Variants in KIF26B observed in about 807,000 individuals in gnomAD.
The protein encoded by KIF26B is kinesin family member 26B.
Under a neutral mutation model 151.2 loss-of-function variants are expected in KIF26B, and 63 were observed. The observed-to-expected ratio is 0.42, with a 90% confidence interval of 0.34 to 0.51. KIF26B has a LOEUF of 0.51. Among genes scored for constraint, KIF26B ranks in the 20% least tolerant of loss-of-function variants. KIF26B has a pLI of 0.07. For synonymous variants in KIF26B, 1,357 were observed against 1,262.1 expected (o/e 1.08, Z -1.59); for missense variants, 2,813 against 2,913.6 (o/e 0.97, Z 0.79).
chr1:245,324,674 G>A (rs907875837), intron 2 of KIF26B, among the ~76,000 whole-genome samples: 3 of 152,114 alleles, frequency 2.0e-5, no homozygotes. Context: ...CACTGCCTCT[G>A]GAGCATCCAG....
chr1:245,436,330 G>A (rs1008490034), intron 4 of KIF26B, among the ~76,000 whole-genome samples: 6 of 152,192 alleles, frequency 3.9e-5, no homozygotes, highest in African/African-American at 1.4e-4. Context: ...TTGATGCTGG[G>A]TGATGAACCA....
intron 4 of KIF26B, among the ~76,000 whole-genome samples, chr1:245,439,747 T>C (rs1366875649): frequency 2.6e-5 from 4 of 152,138 alleles, no homozygotes; most frequent in Non-Finnish European, 5.9e-5. Flanking sequence ...GGAGAAACTG[T>C]TTATAATTGA....
chr1:245,182,849 A>G (rs577829715), intron 2 of KIF26B, among the ~76,000 whole-genome samples: 10 of 152,190 alleles, frequency 6.6e-5, no homozygotes, highest in African/African-American at 2.4e-4. Context: ...GTTAGCCAGG[A>G]TGGTCTTGAA....
At chr1:245,550,351 T>G (rs1661849864) in intron 5 of KIF26B, among the ~76,000 whole-genome samples, 1 of 152,238 alleles carries the variant, frequency 6.6e-6, no homozygotes, top group Non-Finnish European at 1.5e-5. Flanking sequence ...TTCTTCAGTT[T>G]CCGCTGAGTT....
chr1:245,591,866 T>C (rs2043292009), intron 5 of KIF26B, among the ~76,000 whole-genome samples: 1 of 152,140 alleles, frequency 6.6e-6, no homozygotes, highest in South Asian at 2.1e-4. Flanking sequence ...GTCCCACGCC[T>C]GCTAATTGGT....
rs746313774 is a variant in KIF26B at position 245,218,024 on chromosome 1, A to T, written c.465+61341A>T. ...GTCCTGCATTCTTTCCAAAGCCCCC[A>T]TGCGGTGACTCAGTATTTGGCCATT... On this transcript the variant is annotated intron_variant, in intron 2 of 14. Coordinates refer to ENST00000407071, the MANE Select transcript of KIF26B (RefSeq NM_018012.4). The surrounding 1 kb of genome is among the most constrained non-coding windows in gnomAD (Gnocchi z 4.1). Among the ~76,000 whole-genome samples the T allele has an allele frequency of 6.6e-6, 1 of 152,116 alleles. No individual in the cohort carries two copies. Among genetic ancestry groups the T allele is most frequent in the African/African-American group, 2.4e-5 (1 of 41,426 alleles).
intron 4 of KIF26B, among the ~76,000 whole-genome samples, chr1:245,471,527 T>TA (rs71299013): frequency 0.25 from 37,892 of 152,084 alleles, 5,434 homozygotes; most frequent in Admixed American, 0.32. Context: ...CAACTGCTGT[T>TA]ACAGTGTTTT....
rs2044176192 is a variant in KIF26B, at chr1:245,663,193, GGGCACTTACAA to G, written c.2258+16917_2258+16927del. Among the ~76,000 whole-genome samples, 6 of 136,736 alleles carry G rather than the reference GGGCACTTACAA, an allele frequency of 4.4e-5. No homozygotes were observed. In the South Asian group the frequency reaches 1.5e-3, roughly 35 times the overall value. 89.7% of individuals were successfully genotyped at this position (136,736 alleles called of 152,430 possible). On this transcript the variant is annotated intron_variant, in intron 10 of 14. Transcript: ENST00000407071. ...GAACCTCTCTCCTGGCAGTAAGCTG[GGGCACTTACAA>G]GGCTCAGCTCATCTTTTCCCCTTCT...
intron 2 of KIF26B, among the ~76,000 whole-genome samples, chr1:245,296,257 C>T (rs1671335243): frequency 6.6e-6 from 1 of 151,720 alleles, no homozygotes; most frequent in Non-Finnish European, 1.5e-5. Flanking sequence ...TATGGCATTC[C>T]CCACTTAGGA....
intron 2 of KIF26B, among the ~76,000 whole-genome samples, chr1:245,269,915 A>G (rs12723840): frequency 0.49 from 75,120 of 151,980 alleles, 18,878 homozygotes; most frequent in East Asian, 0.61. Context: ...ATGGGAATGC[A>G]AATATTTCTT....
intron 4 of KIF26B, among the ~76,000 whole-genome samples, chr1:245,482,278 C>CAG (rs112853348): frequency 0.2 from 30,062 of 150,930 alleles, 3,571 homozygotes; most frequent in African/African-American, 0.3. Flanking sequence ...TTTTAGTAGA[C>CAG]GGGGTTTCAC....
intron 10 of KIF26B, among the ~76,000 whole-genome samples, chr1:245,663,016 T>G (rs2044174350): frequency 2.0e-5 from 3 of 151,632 alleles, no homozygotes; most frequent in Non-Finnish European, 2.9e-5. Flanking sequence ...TCTCTCCAAT[T>G]CTTGCTTTGT....
intron 2 of KIF26B, among the ~76,000 whole-genome samples, chr1:245,348,347 A>G (rs1368666027): frequency 6.6e-6 from 1 of 152,134 alleles, no homozygotes. Context: ...CTTGACCCTG[A>G]ACTTGAGACT....
rs1465355539 is a variant in KIF26B, at chr1:245,667,267, C to T, written c.2259-16966C>T. Among the ~76,000 whole-genome samples the T allele has an allele frequency of 6.6e-6, 1 of 152,152 alleles. No homozygotes were observed. The highest frequency in any genetic ancestry group is 1.5e-5 in the Non-Finnish European group (1 of 68,028). ...CTCGGCTCACTGCAGCCTTAAGCTC[C>T]TGGGCTCAAGCTATCCTCCTGACTC... is the stretch of plus-strand genomic sequence containing the variant. On this transcript the variant is annotated intron_variant, in intron 10 of 14. Coordinates refer to ENST00000407071, the MANE Select transcript of KIF26B (RefSeq NM_018012.4). This position sits in a 1 kb window ranked among gnomAD's most constrained non-coding sequence, Gnocchi z 4.3.
chr1:245,173,454 G>A (rs1668747678), intron 2 of KIF26B, among the ~76,000 whole-genome samples: 1 of 152,220 alleles, frequency 6.6e-6, no homozygotes, highest in Non-Finnish European at 1.5e-5. Flanking sequence ...GTCGCCCAGT[G>A]ACGGCTCATG....
intron 2 of KIF26B, among the ~76,000 whole-genome samples, chr1:245,217,794 C>G (rs146060294): frequency 1.3e-5 from 2 of 152,114 alleles, no homozygotes; most frequent in Non-Finnish European, 2.9e-5. Context: ...ATCTTTCAGA[C>G]GAGGAAACCA....
chr1:245,400,190 T>G (rs1260889563), intron 3 of KIF26B, among the ~76,000 whole-genome samples: 2 of 152,228 alleles, frequency 1.3e-5, no homozygotes. Context: ...CACTGTGGTC[T>G]GTATTTAACA....
chr1:245,522,099 G>T (rs778704141), intron 4 of KIF26B, among the ~76,000 whole-genome samples: 1 of 152,100 alleles, frequency 6.6e-6, no homozygotes, highest in South Asian at 2.1e-4. Context: ...TCGATCTCCT[G>T]ACCTCATGAT....
intron 3 of KIF26B, among the ~76,000 whole-genome samples, chr1:245,368,696 G>A (rs1167982928): frequency 6.6e-6 from 1 of 152,122 alleles, no homozygotes; most frequent in Admixed American, 6.6e-5. Flanking sequence ...ATCTTCCAGG[G>A]GCCTCAAGAG....
Sources: allele counts gnomAD v4.1 joint callset (sites outside exome capture counted in the v4.1 genomes callset), GRCh38; gene constraint gnomAD v4.1.1; non-coding constraint Gnocchi (gnomAD v3.1); transcripts MANE v1.5; gene names NCBI Gene and HGNC (gene_info 2026-07-23, HGNC 2026-07-21).